The following ZNF267 variants were observed in gnomAD, a reference collection of about 807,000 sequenced individuals.
The protein encoded by ZNF267 is zinc finger protein 267.
A neutral mutation model predicts 71.6 loss-of-function variants in ZNF267; 61 were observed. The ratio of observed to expected loss-of-function variants is 0.85; its 90% confidence interval spans 0.69 to 1.05. The LOEUF is 1.05. Ranked by LOEUF, ZNF267 falls within the 50% of genes least tolerant of loss-of-function variation. The pLI is 0.00. For missense variants in ZNF267, 852 were observed against 870.0 expected (o/e 0.98, Z 0.26); for synonymous variants, 288 against 293.2 (o/e 0.98, Z 0.18).
chr16:31,896,904 A>G (rs1346154889), intron 3 of ZNF267, among the ~76,000 whole-genome samples: 1 of 152,154 alleles, frequency 6.6e-6, no homozygotes, highest in Non-Finnish European at 1.5e-5. Flanking sequence ...ATCTATGAAC[A>G]CAAGATATCT....
intron 3 of ZNF267, among the ~76,000 whole-genome samples, chr16:31,904,614 CT>C (rs929383055): frequency 4.2e-4 from 64 of 152,174 alleles, no homozygotes; most frequent in African/African-American, 1.3e-3. Flanking sequence ...GCAACCCTGC[CT>C]TTTTTTGTTT....
chr16:31,902,437 T>G (rs1366170501), intron 3 of ZNF267, among the ~76,000 whole-genome samples: 4 of 152,240 alleles, frequency 2.6e-5, no homozygotes, highest in Non-Finnish European at 5.9e-5. Context: ...CATGGAATGT[T>G]CTTCCATTTG....
rs1281612519 is a variant in ZNF267, at chr16:31,884,565, C to G, written c.71C>G (p.Ala24Gly). 1.2e-6 allele frequency: 2 copies of G among 1,614,094 alleles called. No individual in the cohort carries two copies. The highest frequency in any genetic ancestry group is 3.3e-5 in the Admixed American group (2 of 60,012). ...SLEEWEHLEP[A>G]QKNLYQDVML... Reference sequence around the variant, plus strand: ...GAGGAGTGGGAACACCTGGAACCAGCTCAGAAGAATTTGTATCAGGATGTG... The same window carrying G: ...GAGGAGTGGGAACACCTGGAACCAGGTCAGAAGAATTTGTATCAGGATGTG... Residue 24 changes from alanine to glycine, a missense_variant, in exon 2 of 4, where the codon GCT becomes GGT. Transcript: ENST00000300870.
At chr16:31,909,680 A>G (rs1173177355) in intron 3 of ZNF267, among the ~76,000 whole-genome samples, 4 of 152,156 alleles carry the variant, frequency 2.6e-5, no homozygotes, top group Admixed American at 6.5e-5. Context: ...GATTTTTCTT[A>G]ATATAAGACT....
Position 31,914,685 on chromosome 16 carries a change from A to G in ZNF267, c.436A>G (p.Ser146Gly), listed in dbSNP as rs752940355. The G allele has an allele frequency of 6.2e-7, 1 of 1,614,160 alleles. No individual in the cohort carries two copies. Among genetic ancestry groups the G allele is most frequent in the South Asian group, 1.1e-5 (1 of 91,090 alleles). Reference sequence around the variant, plus strand: ...TCAATTTGATGAATCCTCTGTTGAAAGTTTGTTTCACCAGCAAATACTTTC... The same window carrying G: ...TCAATTTGATGAATCCTCTGTTGAAGGTTTGTTTCACCAGCAAATACTTTC... ...YDQFDESSVE[S>G]LFHQQILSSC... Residue 146 changes from serine (S) to glycine (G), a missense_variant, in exon 4 of 4, where the codon AGT becomes GGT. Ser to Gly is a moderately conservative substitution (Grantham distance 56). Coordinates refer to ENST00000300870, the MANE Select transcript of ZNF267 (RefSeq NM_003414.6).
rs569556047 is a variant in ZNF267 at position 31,878,954 on chromosome 16, T to TTA, written c.3+4985_3+4986insTA. 9.1e-3 allele frequency among the ~76,000 whole-genome samples: 1,377 copies of TTA among 152,062 alleles called. 8 individuals carry two copies. The highest frequency in any genetic ancestry group is 0.015 in the Non-Finnish European group (1,011 of 67,980). ...GGAAAGAAATTTTTCTTTTTTTTTT[T>TTA]CTTAAAGCATTTACTTTGGAAAACT... is the stretch of plus-strand genomic sequence containing the variant. On this transcript the variant is annotated intron_variant, in intron 1 of 3. Coordinates refer to ENST00000300870, the MANE Select transcript of ZNF267 (RefSeq NM_003414.6).
chr16:31,895,587 A>G (rs866950563), intron 3 of ZNF267, among the ~76,000 whole-genome samples: 1 of 152,168 alleles, frequency 6.6e-6, no homozygotes, highest in African/African-American at 2.4e-5. Context: ...AATTCCACCA[A>G]CAGTGTTTAT....
intron 1 of ZNF267, among the ~76,000 whole-genome samples, chr16:31,878,851 A>C (rs1172852754): frequency 6.6e-6 from 1 of 152,242 alleles, no homozygotes; most frequent in Admixed American, 6.5e-5. Context: ...TGTGAGCTCA[A>C]GACCATGGCG....
chr16:31,910,192 A>G (rs538360819), intron 3 of ZNF267, among the ~76,000 whole-genome samples: 7 of 148,286 alleles, frequency 4.7e-5, no homozygotes, highest in African/African-American at 1.3e-4. Context: ...AATATTTATT[A>G]TAGATATTGG....
At position 31,915,511 on chromosome 16, in the gene ZNF267, C is replaced by T. The variant is rs1206953569; in HGVS notation, c.1262C>T (p.Ser421Leu). ...TGTGGCAAAGCCTTTCGCTGTAGTTCATACCTTACTAAACATAAGCGAATT... is the reference window on the plus strand; with the variant it reads ...TGTGGCAAAGCCTTTCGCTGTAGTTTATACCTTACTAAACATAAGCGAATT... Reference protein sequence around the residue: ...KECGKAFRCSSYLTKHKRIHT... With the variant: ...KECGKAFRCSLYLTKHKRIHT... Residue 421 changes from serine to leucine, a missense_variant, in exon 4 of 4, where the codon TCA becomes TTA. Transcript: ENST00000300870. 1 of 1,613,198 alleles carries T rather than the reference C, an allele frequency of 6.2e-7. No homozygotes were observed. Among genetic ancestry groups the T allele is most frequent in the Non-Finnish European group, 8.5e-7 (1 of 1,179,806 alleles).
At chr16:31,903,674 C>G (rs2084061682) in intron 3 of ZNF267, among the ~76,000 whole-genome samples, 1 of 152,128 alleles carries the variant, frequency 6.6e-6, no homozygotes, top group Non-Finnish European at 1.5e-5. Flanking sequence ...TGATTCTTCT[C>G]TCTTTTCTTC....
chr16:31,884,664 GTTTTA>G (rs1169036028), intron 2 of ZNF267, 40 bp downstream of exon 2: 2 of 1,575,294 alleles, frequency 1.3e-6, no homozygotes, highest in African/African-American at 2.7e-5. Flanking sequence ...ATAACTAAGA[GTTTTA>G]TTTTCTTTTC....
chr16:31,902,095 G>A (rs2084046097), intron 3 of ZNF267, among the ~76,000 whole-genome samples: 1 of 152,204 alleles, frequency 6.6e-6, no homozygotes, highest in Non-Finnish European at 1.5e-5. Context: ...TCAAAGATCG[G>A]ATGGTTGTAG....
rs2084181340 is a variant in ZNF267 at position 31,916,716 on chromosome 16, G to T, written c.*235G>T. On this transcript the variant is annotated 3_prime_UTR_variant, in exon 4 of 4. Transcript: ENST00000300870. Reference sequence around the variant, plus strand: ...CTTACTCAAGATAATCCATACTAGAGAAACACTATAGATGTAAAAATGTGA... The same window carrying T: ...CTTACTCAAGATAATCCATACTAGATAAACACTATAGATGTAAAAATGTGA... 6.1e-6 allele frequency: 3 copies of T among 489,634 alleles called. No individual in the cohort carries two copies. The highest frequency in any genetic ancestry group is 1.1e-5 in the Non-Finnish European group (3 of 279,524). 30.3% of individuals were successfully genotyped at this position (489,634 alleles called of 1,614,324 possible). A position where few individuals can be genotyped will look rare whatever the true frequency, so the allele number is the denominator to read the frequency against.
chr16:31,890,351 A>C (rs939354257), intron 3 of ZNF267: 2 of 152,178 alleles, frequency 1.3e-5, no homozygotes, highest in African/African-American at 2.4e-5. Context: ...CTTTATCATC[A>C]TGTAGTGAAC....
intron 3 of ZNF267, among the ~76,000 whole-genome samples, chr16:31,909,044 C>A (rs1324134812): frequency 7.1e-6 from 1 of 140,322 alleles, no homozygotes; most frequent in Non-Finnish European, 1.5e-5. Context: ...TCTTCCAATC[C>A]ATTGACATGG....
chr16:31,907,165 T>C (rs1326071017), intron 3 of ZNF267, among the ~76,000 whole-genome samples: 1 of 152,186 alleles, frequency 6.6e-6, no homozygotes, highest in African/African-American at 2.4e-5. Context: ...CTGATTATAA[T>C]GTCTCATGTG....
intron 1 of ZNF267, 127 bp downstream of exon 1, chr16:31,874,096 T>G: frequency 1.9e-6 from 2 of 1,077,562 alleles, no homozygotes; most frequent in Non-Finnish European, 2.7e-6. Flanking sequence ...GAGTCCCAAC[T>G]GGTGCAGCTC....
intron 1 of ZNF267, 59 bp from the exon 2 acceptor site, chr16:31,884,439 G>A: frequency 6.2e-7 from 1 of 1,608,330 alleles, no homozygotes; most frequent in Non-Finnish European, 8.5e-7. Flanking sequence ...TTCATCTTGG[G>A]ACAAATGAAG....
Sources: gnomAD v4.1 joint callset for allele counts (sites outside exome capture counted in the v4.1 genomes callset) on GRCh38, gnomAD v4.1.1 for gene constraint, MANE v1.5 for transcripts, NCBI Gene and HGNC (gene_info 2026-07-23, HGNC 2026-07-21) for gene names.